FAM168A: variants seen among roughly 807,000 people sequenced by gnomAD.
FAM168A encodes the protein protein FAM168A.
Under a neutral mutation model 28.5 loss-of-function variants are expected in FAM168A, and 3 were observed. The ratio of observed to expected loss-of-function variants is 0.11; its 90% CI spans 0.05 to 0.27. The LOEUF (loss-of-function observed/expected upper bound fraction) is 0.27. FAM168A is among the 10% of genes least tolerant of loss of function. The pLI is 1.00. For missense variants in FAM168A, 222 were observed against 311.5 expected, an observed-to-expected ratio of 0.71 and a Z score of 2.16; for synonymous variants, 122 against 124.2, an observed-to-expected ratio of 0.98 and a Z score of 0.12.
At chr11:73,449,808 C>T (rs1867394009) in intron 2 of FAM168A, among the ~76,000 whole-genome samples, 1 of 152,188 alleles carries the variant, frequency 6.6e-6, no homozygotes, top group Non-Finnish European at 1.5e-5. Context: ...ACAGTGAAGG[C>T]CAAAGCTTCT....
intron 1 of FAM168A, among the ~76,000 whole-genome samples, chr11:73,507,123 T>C (rs556285781): frequency 6.6e-5 from 10 of 152,340 alleles, no homozygotes; most frequent in South Asian, 4.1e-4. Context: ...AAATCACTTA[T>C]AGTCTGAACT....
In FAM168A at chr11:73,596,386, T is replaced by C. The variant is rs188700641; in HGVS notation, c.-19+1537A>G. Among the ~76,000 whole-genome samples the C allele has an allele frequency of 5.9e-3, 894 of 152,180 alleles. 8 individuals are homozygous for C. Among genetic ancestry groups the C allele is most frequent in the Middle Eastern group, 0.027 (8 of 294 alleles). ...CCTTTAGTTTGGAAGTATGCTTTTTTCCCCCAACTTACTTTTTATGATATA... is the reference window on the plus strand; with the variant it reads ...CCTTTAGTTTGGAAGTATGCTTTTTCCCCCCAACTTACTTTTTATGATATA... On this transcript the variant is annotated intron_variant, in intron 1 of 7. Coordinates refer to ENST00000356467, the MANE Select transcript of FAM168A (RefSeq NM_015159.3).
At chr11:73,475,213 T>C (rs764054953) in intron 1 of FAM168A, among the ~76,000 whole-genome samples, 5 of 152,204 alleles carry the variant, frequency 3.3e-5, no homozygotes, top group African/African-American at 7.2e-5. Context: ...CTTAGTGTTT[T>C]AGTTTGCAAA....
At chr11:73,490,234 C>T (rs1868109297) in intron 1 of FAM168A, among the ~76,000 whole-genome samples, 1 of 152,210 alleles carries the variant, frequency 6.6e-6, no homozygotes, top group Non-Finnish European at 1.5e-5. Flanking sequence ...TCAATTCTCA[C>T]TACCCTCACT....
intron 1 of FAM168A, among the ~76,000 whole-genome samples, chr11:73,519,817 CATATAT>C (rs1419179055): frequency 6.6e-6 from 1 of 150,844 alleles, no homozygotes; most frequent in African/African-American, 2.4e-5. Context: ...TGTGTGTATA[CATATAT>C]ATATGTATAT....
chr11:73,513,787 A>G (rs1390439149), intron 1 of FAM168A, among the ~76,000 whole-genome samples: 1 of 152,202 alleles, frequency 6.6e-6, no homozygotes, highest in Non-Finnish European at 1.5e-5. Flanking sequence ...GTCTAATATA[A>G]CAAAAAACAA....
At chr11:73,500,551 C>A (rs895517044) in intron 1 of FAM168A, among the ~76,000 whole-genome samples, 1 of 152,044 alleles carries the variant, frequency 6.6e-6, no homozygotes, top group African/African-American at 2.4e-5. Context: ...AGCCACTGCA[C>A]CCAGCCTCAA....
intron 1 of FAM168A, among the ~76,000 whole-genome samples, chr11:73,493,325 T>C (rs529225750): frequency 6.6e-6 from 1 of 152,322 alleles, no homozygotes; most frequent in East Asian, 1.9e-4. Context: ...ACCATACGTA[T>C]ACAGTTATTG....
chr11:73,529,365 A>C (rs1179378470), intron 1 of FAM168A, among the ~76,000 whole-genome samples: 1 of 152,216 alleles, frequency 6.6e-6, no homozygotes. Flanking sequence ...TCTGAGCCTC[A>C]GTTTCACCAT....
intron 1 of FAM168A, among the ~76,000 whole-genome samples, chr11:73,547,192 A>G (rs1181703954): frequency 6.6e-6 from 1 of 151,648 alleles, no homozygotes; most frequent in Non-Finnish European, 1.5e-5. Context: ...AGGAAGAAGA[A>G]AGAAGAAGAG....
chr11:73,590,673 A>G (rs963472585), intron 1 of FAM168A, among the ~76,000 whole-genome samples: 1 of 152,152 alleles, frequency 6.6e-6, no homozygotes, highest in African/African-American at 2.4e-5. Context: ...ATACCTCAAT[A>G]TAATTTATTT....
chr11:73,411,928 T>C (rs193263447), intron 4 of FAM168A, among the ~76,000 whole-genome samples: 1 of 152,282 alleles, frequency 6.6e-6, no homozygotes, highest in Non-Finnish European at 1.5e-5. Flanking sequence ...TCTACTTGCT[T>C]TTCTGTCTTC....
At chr11:73,558,727 TC>T (rs1203168553) in intron 1 of FAM168A, among the ~76,000 whole-genome samples, 1 of 152,028 alleles carries the variant, frequency 6.6e-6, no homozygotes, top group East Asian at 1.9e-4. Context: ...GAAATACAAG[TC>T]AAAACCATAA....
At chr11:73,463,996 G>A (rs1867692157) in intron 2 of FAM168A, among the ~76,000 whole-genome samples, 1 of 152,076 alleles carries the variant, frequency 6.6e-6, no homozygotes, top group African/African-American at 2.4e-5. Context: ...AACAGTTTCA[G>A]AAATTAAAAT....
chr11:73,457,641 C>T (rs901690034), intron 2 of FAM168A, among the ~76,000 whole-genome samples: 6 of 138,098 alleles, frequency 4.3e-5, no homozygotes, highest in African/African-American at 8.2e-5. Flanking sequence ...TTTGGGAGGC[C>T]GAAGTAAGAG....
In FAM168A at chr11:73,405,018, C is replaced by G. The variant is rs1160622600; in HGVS notation, c.*1745G>C. On this transcript the variant is annotated 3_prime_UTR_variant, in exon 8 of 8. Coordinates refer to ENST00000356467, the MANE Select transcript of FAM168A (RefSeq NM_015159.3). Reference sequence around the variant, plus strand: ...TGGCTGAGACTAGCAGGGACCTCCTCGTCCCAGGGGTCCCTCTTCTCCCAG... The same window carrying G: ...TGGCTGAGACTAGCAGGGACCTCCTGGTCCCAGGGGTCCCTCTTCTCCCAG... 2 of 152,230 alleles carry G rather than the reference C, an allele frequency of 1.3e-5. No homozygotes were observed. The highest frequency in any genetic ancestry group is 4.8e-5 in the African/African-American group (2 of 41,442). The allele number at this position is 152,230 out of a possible 1,614,324, so 9.4% of individuals were successfully genotyped here. A position where few individuals can be genotyped will look rare whatever the true frequency, so the allele number is the denominator to read the frequency against.
At chr11:73,415,437 G>T (rs1476291744) in intron 4 of FAM168A, among the ~76,000 whole-genome samples, 2 of 152,210 alleles carry the variant, frequency 1.3e-5, no homozygotes, top group Non-Finnish European at 2.9e-5. Flanking sequence ...TCTTCATGAG[G>T]CTGGAGAAAC....
intron 1 of FAM168A, among the ~76,000 whole-genome samples, chr11:73,532,400 C>A (rs184169129): frequency 1.3e-5 from 2 of 152,112 alleles, no homozygotes; most frequent in Admixed American, 1.3e-4. Flanking sequence ...AGCCTTTAAG[C>A]CTAAGAATGA....
chr11:73,575,133 G>A (rs1247017544), intron 1 of FAM168A, among the ~76,000 whole-genome samples: 1 of 152,160 alleles, frequency 6.6e-6, no homozygotes, highest in African/African-American at 2.4e-5. Context: ...ATAAATGGCA[G>A]TGCCAAGATT....
Sources: gnomAD v4.1 joint callset for allele counts (sites outside exome capture counted in the v4.1 genomes callset) on GRCh38, gnomAD v4.1.1 for gene constraint, MANE v1.5 for transcripts, NCBI Gene and HGNC (gene_info 2026-07-23, HGNC 2026-07-21) for gene names.